SEMA6B: variants seen among roughly 807,000 people sequenced by gnomAD.
The protein encoded by SEMA6B is semaphorin 6B, also known as semaphorin-6B.
Under a neutral mutation model 78.6 loss-of-function variants are expected in SEMA6B, and 47 were observed. The ratio of observed to expected loss-of-function variants is 0.60; its 90% CI spans 0.47 to 0.76. The LOEUF is 0.76. Among genes scored for constraint, SEMA6B ranks in the 30% least tolerant of loss-of-function variants. The pLI is 0.00. For missense variants in SEMA6B, 1,213 were observed against 1,269.9 expected (o/e 0.96, Z 0.68); for synonymous variants, 632 against 592.2 (o/e 1.07, Z -0.98).
At chr19:4,551,082 A>G in intron 10 of SEMA6B, 152 bp from the exon 11 acceptor site, 9 of 849,566 alleles carry the variant, frequency 1.1e-5, no homozygotes, top group Non-Finnish European at 1.7e-5. Context: ...TGTCGAATGC[A>G]GCCACTCCTC....
chr19:4,555,891 G>A lies in SEMA6B; in HGVS notation c.471+97C>T. Reference sequence around the variant, plus strand: ...GTATATCCAGGAAGGCTTCCTGGAGGAGGTGACACGGCCTGGGGAAAAGCC... The same window carrying A: ...GTATATCCAGGAAGGCTTCCTGGAGAAGGTGACACGGCCTGGGGAAAAGCC... On this transcript the variant is annotated intron_variant, in intron 6 of 16. Transcript: ENST00000586582. The surrounding 1 kb of genome is among the most constrained non-coding windows in gnomAD (Gnocchi z 6.1). The A allele has an allele frequency of 1.0e-6, 1 of 954,054 alleles. No homozygotes were observed. The highest frequency in any genetic ancestry group is 1.3e-5 in the South Asian group (1 of 75,946). The allele number at this position is 954,054 out of a possible 1,614,324, so 59.1% of individuals were successfully genotyped here.
intron 12 of SEMA6B, among the ~76,000 whole-genome samples, chr19:4,549,609 G>A (rs972369878): frequency 2.0e-5 from 3 of 152,224 alleles, no homozygotes; most frequent in Admixed American, 2.0e-4. Flanking sequence ...CTCCTGAGTA[G>A]CTGGGACTAC....
At chr19:4,553,794 T>TGGGAG (rs1977400125) in intron 9 of SEMA6B, among the ~76,000 whole-genome samples, 1 of 131,064 alleles carries the variant, frequency 7.6e-6, no homozygotes, top group African/African-American at 3.2e-5. Context: ...GTGGATGGGA[T>TGGGAG]GGATGGATGG....
At chr19:4,554,217 G>A (rs1426946332) in intron 9 of SEMA6B, among the ~76,000 whole-genome samples, 171 bp downstream of exon 9, 5 of 152,118 alleles carry the variant, frequency 3.3e-5, no homozygotes, top group African/African-American at 7.2e-5. Context: ...CGGCTGCTCC[G>A]TAGATGTCTT....
At chr19:4,549,360 G>A (rs1977257963) in intron 12 of SEMA6B, among the ~76,000 whole-genome samples, 1 of 143,032 alleles carries the variant, frequency 7.0e-6, no homozygotes, top group South Asian at 2.2e-4. Context: ...GGAGTGCAGT[G>A]GCGTGATCTC....
intron 5 of SEMA6B, 111 bp downstream of exon 5, chr19:4,556,840 G>T: frequency 1.0e-6 from 1 of 971,052 alleles, no homozygotes; most frequent in Non-Finnish European, 1.5e-6. Flanking sequence ...GGGGTGGGTT[G>T]GGGCGTGGCC....
Position 4,550,799 on chromosome 19 carries a change from C to A in SEMA6B, c.1121G>T (p.Arg374Leu). The change falls in exon 11 of 17, where the codon CGG becomes CTG. Residue 374 changes from arginine to leucine, a missense_variant and splice_region_variant. Physicochemically the swap from Arg to Leu is moderately radical, Grantham distance 102. Transcript: ENST00000586582. This position sits in a 1 kb window ranked among gnomAD's most constrained non-coding sequence, Gnocchi z 6.6. ...PVPEDQVPRPRPGCCAAPGMQ... is the reference protein window; with the variant it reads ...PVPEDQVPRPLPGCCAAPGMQ... ...GACTCAGGATGGAGGGGGTTCTCAC[C>A]GGGGTCGAGGCACCTGATCCTCCGG... 1.9e-6 allele frequency: 3 copies of A among 1,613,218 alleles called. No individual in the cohort carries two copies. Among genetic ancestry groups the A allele is most frequent in the Non-Finnish European group, 2.5e-6 (3 of 1,179,922 alleles).
At chr19:4,545,100 T>C (rs1216938222) in intron 16 of SEMA6B, among the ~76,000 whole-genome samples, 1 of 151,864 alleles carries the variant, frequency 6.6e-6, no homozygotes, top group Non-Finnish European at 1.5e-5. Context: ...TCCTAGCATT[T>C]TGTGAGGCTG....
chr19:4,542,770 G>A lies in SEMA6B; in HGVS notation c.*831C>T. On this transcript the variant is annotated 3_prime_UTR_variant, in exon 17 of 17. Transcript: ENST00000586582. ...CCACCCTGGGGCCGTATTTACAGAGGGGCCCCACCCACCTTCGCCGCCCCC... is the reference window on the plus strand; with the variant it reads ...CCACCCTGGGGCCGTATTTACAGAGAGGCCCCACCCACCTTCGCCGCCCCC... 1 of 700,622 alleles carries A rather than the reference G, an allele frequency of 1.4e-6. No individual in the cohort carries two copies. The highest frequency in any genetic ancestry group is 2.6e-6 in the Non-Finnish European group (1 of 384,600). The allele number at this position is 700,622 out of a possible 1,614,324, so 43.4% of individuals were successfully genotyped here. A position where few individuals can be genotyped will look rare whatever the true frequency, so the allele number is the denominator to read the frequency against.
At chr19:4,557,890 C>G in intron 3 of SEMA6B, 136 bp downstream of exon 3, 1 of 772,472 alleles carries the variant, frequency 1.3e-6, no homozygotes, top group Non-Finnish European at 1.8e-6. Flanking sequence ...TCCTCCGGGT[C>G]AAAGCCTAAG....
Position 4,549,642 on chromosome 19 carries a change from C to T in SEMA6B, c.1271+481G>A, listed in dbSNP as rs1012897241. Among the ~76,000 whole-genome samples the T allele has an allele frequency of 2.0e-5, 3 of 152,180 alleles. No homozygotes were observed. In the East Asian group the frequency reaches 5.8e-4, roughly 29 times the overall value. On this transcript the variant is annotated intron_variant, in intron 12 of 16. Transcript: ENST00000586582. ...TACAGGCGCCTGCCACCACGCCCAG[C>T]TAATTTTTTGTATTTTTAGTAGAGA...
chr19:4,547,503 G>A (rs1016613762), intron 14 of SEMA6B, among the ~76,000 whole-genome samples: 37 of 152,168 alleles, frequency 2.4e-4, no homozygotes, highest in African/African-American at 5.5e-4. Flanking sequence ...CCGCATTGAC[G>A]GCTCACATGG....
In SEMA6B at chr19:4,543,753, G is replaced by C. The variant is rs975076167; in HGVS notation, c.2515C>G (p.Pro839Ala). ...TGGGTGCGGCGCAGGGTGGCGGCCG[G>C]AGGGGCGTGGGGGCCCAGTGGCCTC... is the stretch of plus-strand genomic sequence containing the variant. ...LRRPLGPHAP[P>A]AATLRRTHTF... The change falls in exon 17 of 17, where the codon CCG becomes GCG. Residue 839 changes from proline to alanine, a missense_variant. Coordinates refer to ENST00000586582, the MANE Select transcript of SEMA6B (RefSeq NM_032108.4). 5.7e-6 allele frequency: 7 copies of C among 1,226,098 alleles called. No individual in the cohort carries two copies. In the African/African-American group the frequency reaches 1.1e-4, roughly 19 times the overall value. 76.0% of individuals were successfully genotyped at this position (1,226,098 alleles called of 1,614,324 possible).
At chr19:4,545,490 G>A (rs945735572) in intron 16 of SEMA6B, among the ~76,000 whole-genome samples, 2 of 151,958 alleles carry the variant, frequency 1.3e-5, no homozygotes, top group African/African-American at 2.4e-5. Flanking sequence ...GGCATGCACT[G>A]CCACGTCTGG....
At chr19:4,549,510 G>A (rs1207356448) in intron 12 of SEMA6B, among the ~76,000 whole-genome samples, 2 of 148,158 alleles carry the variant, frequency 1.3e-5, no homozygotes, top group East Asian at 3.9e-4. Flanking sequence ...ACGGAGTTTC[G>A]CTCTTTCGCC....
chr19:4,548,601 G>A (rs879038732), intron 12 of SEMA6B, among the ~76,000 whole-genome samples, 156 bp from the exon 13 acceptor site: 1 of 152,192 alleles, frequency 6.6e-6, no homozygotes, highest in African/African-American at 2.4e-5. Flanking sequence ...GGGGACATGC[G>A]TGACTACACA....
Position 4,550,850 on chromosome 19 carries a change from G to T in SEMA6B, c.1070C>A (p.Ser357Tyr). ...VFEGRFREQK[S>Y]PESIWTPVPE... ...CACCGGCGTCCAGATGGACTCGGGG[G>T]ACTTCTGCTCTCGGAAGCGGCCTTC... is the stretch of plus-strand genomic sequence containing the variant. The change falls in exon 11 of 17, where the codon TCC (serine) becomes TAC (tyrosine). Residue 357 changes from serine (S) to tyrosine (Y), a missense_variant. Coordinates refer to ENST00000586582, the MANE Select transcript of SEMA6B (RefSeq NM_032108.4). This position sits in a 1 kb window ranked among gnomAD's most constrained non-coding sequence, Gnocchi z 6.6. The T allele has an allele frequency of 1.2e-6, 2 of 1,613,570 alleles. No homozygotes were observed. The highest frequency in any genetic ancestry group is 1.7e-6 in the Non-Finnish European group (2 of 1,180,016).
chr19:4,555,959 C>A lies in SEMA6B; in HGVS notation c.471+29G>T. Reference sequence around the variant, plus strand: ...GGCGAGCAGAGGCCTGGAGGTTGGACCTGGGGCGCAGGGAGTCTGAAGACT... The same window carrying A: ...GGCGAGCAGAGGCCTGGAGGTTGGAACTGGGGCGCAGGGAGTCTGAAGACT... On this transcript the variant is annotated intron_variant, in intron 6 of 16. Coordinates refer to ENST00000586582, the MANE Select transcript of SEMA6B (RefSeq NM_032108.4). The surrounding 1 kb of genome is among the most constrained non-coding windows in gnomAD (Gnocchi z 6.1). 2 of 1,576,476 alleles carry A rather than the reference C, an allele frequency of 1.3e-6. No individual in the cohort carries two copies.
chr19:4,542,933 C>A lies in SEMA6B; in HGVS notation c.*668G>T. 1 of 700,928 alleles carries A rather than the reference C, an allele frequency of 1.4e-6. No homozygotes were observed. 43.4% of individuals were successfully genotyped at this position (700,928 alleles called of 1,614,324 possible). On this transcript the variant is annotated 3_prime_UTR_variant, in exon 17 of 17. Coordinates refer to ENST00000586582, the MANE Select transcript of SEMA6B (RefSeq NM_032108.4). ...GGGGGTTCAAACTCCTAACCGGCAC[C>A]TCGGAGACCCCCGGGCCTTCTGGAA...
Sources: allele counts gnomAD v4.1 joint callset (sites outside exome capture counted in the v4.1 genomes callset), GRCh38; gene constraint gnomAD v4.1.1; non-coding constraint Gnocchi (gnomAD v3.1); transcripts MANE v1.5; gene names NCBI Gene and HGNC (gene_info 2026-07-23, HGNC 2026-07-21).